The following DZIP3 variants were observed in gnomAD, a reference collection of about 807,000 sequenced individuals.
DZIP3 encodes the protein DAZ interacting zinc finger protein 3.
Under a neutral mutation model 162.0 loss-of-function variants are expected in DZIP3, and 118 were observed. The observed-to-expected ratio is 0.73, with a 90% confidence interval of 0.63 to 0.85. The LOEUF (loss-of-function observed/expected upper bound fraction) is 0.85. Ranked by LOEUF, DZIP3 falls within the 40% of genes least tolerant of loss-of-function variation. The probability of loss-of-function intolerance (pLI) is 0.00; values close to 1 mark genes in which losing one functional copy is unlikely to be tolerated. For missense variants in DZIP3, 1,331 were observed against 1,407.0 expected (o/e 0.95, Z 0.86); for synonymous variants, 438 against 458.6 (o/e 0.96, Z 0.57).
intron 18 of DZIP3, among the ~76,000 whole-genome samples, chr3:108,653,423 A>G (rs906931075): frequency 6.6e-6 from 1 of 150,612 alleles, no homozygotes; most frequent in Non-Finnish European, 1.5e-5. Context: ...GCTACTAAGT[A>G]GTAGGCCAAG....
At position 108,648,121 on chromosome 3, in the gene DZIP3, T is replaced by C. The variant is rs57123020; in HGVS notation, c.1962+9T>C. The C allele has an allele frequency of 4.4e-3, 6,970 of 1,585,960 alleles. 175 individuals carry two copies. In the African/African-American group the frequency reaches 0.066, roughly 15 times the overall value. ...TTAAAGATCTCCAGGAAGTATAAGCTCTCATTAATATTTGAGTTAGAAGAA... is the reference window on the plus strand; with the variant it reads ...TTAAAGATCTCCAGGAAGTATAAGCCCTCATTAATATTTGAGTTAGAAGAA... On this transcript the variant is annotated intron_variant, in intron 16 of 32. Coordinates refer to ENST00000361582, the MANE Select transcript of DZIP3 (RefSeq NM_014648.4).
chr3:108,596,086 G>A (rs181452671), intron 1 of DZIP3, among the ~76,000 whole-genome samples: 2 of 152,326 alleles, frequency 1.3e-5, no homozygotes, highest in East Asian at 3.9e-4. Flanking sequence ...GTCAGGATAA[G>A]GTGTTACAAT....
At chr3:108,658,852 A>G (rs1221095790) in intron 19 of DZIP3, among the ~76,000 whole-genome samples, 2 of 152,230 alleles carry the variant, frequency 1.3e-5, no homozygotes. Context: ...ATCAGAGAAT[A>G]CTATAAACAC....
intron 19 of DZIP3, among the ~76,000 whole-genome samples, chr3:108,659,438 G>A (rs565638929): frequency 4.6e-5 from 7 of 152,142 alleles, no homozygotes; most frequent in East Asian, 3.9e-4. Context: ...ATTCAACAAC[G>A]CCTTCATGCT....
chr3:108,653,507 G>GTATATATATAGA (rs1553709945), intron 18 of DZIP3, among the ~76,000 whole-genome samples: 1 of 104,602 alleles, frequency 9.6e-6, no homozygotes, highest in Non-Finnish European at 2.0e-5. Flanking sequence ...GTGTGTGTGT[G>GTATATATATAGA]TATATATATA....
In DZIP3 at chr3:108,605,507, T is replaced by C; in HGVS notation, c.32+69T>C. On this transcript the variant is annotated intron_variant, in intron 2 of 32. Coordinates refer to ENST00000361582, the MANE Select transcript of DZIP3 (RefSeq NM_014648.4). ...TCGTGGAAAACAATTTTTCCACGGA[T>C]GGTGGGGGTGCGGGGAATGGTTTTG... 4 of 1,510,532 alleles carry C rather than the reference T, an allele frequency of 2.6e-6. No homozygotes were observed. In the South Asian group the frequency reaches 4.6e-5, roughly 17 times the overall value. 93.6% of individuals were successfully genotyped at this position (1,510,532 alleles called of 1,614,324 possible).
chr3:108,610,711 T>C (rs746607967), intron 3 of DZIP3, among the ~76,000 whole-genome samples: 1 of 152,210 alleles, frequency 6.6e-6, no homozygotes, highest in Non-Finnish European at 1.5e-5. Flanking sequence ...TGTTAGTAGA[T>C]ATTCCAGCAG....
Position 108,647,972 on chromosome 3 carries a change from G to A in DZIP3, c.1822G>A (p.Glu608Lys). Residue 608 changes from glutamate (E) to lysine (K), a missense_variant, in exon 16 of 33, where the codon GAA becomes AAA. Glu to Lys is a moderately conservative substitution (Grantham distance 56, BLOSUM62 1). Transcript: ENST00000361582. The stretch of plus-strand genomic sequence containing the variant: ...TGAAATAGAAGAGTTACAGAATGAG[G>A]AAGAAGAACTAAGTCCACCTCTCAT... ...RIEIEELQNE[E>K]EELSPPLMEY... 1.9e-6 allele frequency: 3 copies of A among 1,580,724 alleles called. No individual in the cohort carries two copies. The highest frequency in any genetic ancestry group is 2.6e-6 in the Non-Finnish European group (3 of 1,168,290).
chr3:108,599,998 C>G (rs1418056734), intron 1 of DZIP3, among the ~76,000 whole-genome samples: 1 of 152,182 alleles, frequency 6.6e-6, no homozygotes. Context: ...GCTAATCTAG[C>G]AGATGTACTC....
chr3:108,623,811 C>T (rs1227320941), intron 5 of DZIP3, among the ~76,000 whole-genome samples: 1 of 152,214 alleles, frequency 6.6e-6, no homozygotes, highest in African/African-American at 2.4e-5. Context: ...CAGGCTCTGA[C>T]TGCTGGGATG....
intron 19 of DZIP3, among the ~76,000 whole-genome samples, chr3:108,661,613 T>A (rs1943438813): frequency 6.6e-6 from 1 of 151,984 alleles, no homozygotes; most frequent in Non-Finnish European, 1.5e-5. Flanking sequence ...TGTGCACATG[T>A]ACCCTAAAAC....
intron 15 of DZIP3, 146 bp downstream of exon 15, chr3:108,646,795 T>C (rs867701201): frequency 3.5e-6 from 2 of 570,328 alleles, no homozygotes; most frequent in South Asian, 2.5e-5. Flanking sequence ...ATAATCCCTG[T>C]ACTTTGGGAG....
intron 1 of DZIP3, among the ~76,000 whole-genome samples, chr3:108,599,623 C>T (rs1432718827): frequency 1.3e-5 from 2 of 152,058 alleles, no homozygotes; most frequent in Non-Finnish European, 2.9e-5. Flanking sequence ...CACAGTGGAC[C>T]GAATGTTTGT....
intron 18 of DZIP3, among the ~76,000 whole-genome samples, chr3:108,653,337 T>G (rs1942947031): frequency 6.6e-6 from 1 of 151,516 alleles, no homozygotes; most frequent in African/African-American, 2.4e-5. Context: ...ACTAGTTAAA[T>G]AGAGTCATAT....
chr3:108,691,387 TAAAA>T (rs1405095832), intron 32 of DZIP3: 2 of 60,758 alleles, frequency 3.3e-5, no homozygotes, highest in African/African-American at 1.3e-4. Context: ...ATAATAATAA[TAAAA>T]GAAAAAAAAA....
intron 4 of DZIP3, among the ~76,000 whole-genome samples, chr3:108,615,109 C>A (rs2107524370): frequency 6.6e-6 from 1 of 152,336 alleles, no homozygotes; most frequent in East Asian, 1.9e-4. Context: ...TGTGCCACAA[C>A]TGAATATGGC....
At chr3:108,673,785 G>A (rs922280491) in intron 23 of DZIP3, among the ~76,000 whole-genome samples, 1 of 151,834 alleles carries the variant, frequency 6.6e-6, no homozygotes, top group African/African-American at 2.4e-5. Flanking sequence ...AGAATATCTG[G>A]GACCAAGGCA....
intron 18 of DZIP3, among the ~76,000 whole-genome samples, chr3:108,651,744 G>A (rs975091885): frequency 6.6e-6 from 1 of 151,732 alleles, no homozygotes; most frequent in Non-Finnish European, 1.5e-5. Flanking sequence ...TATTTTGCAT[G>A]CATTGTGCAT....
chr3:108,659,185 A>C (rs942955702), intron 19 of DZIP3, among the ~76,000 whole-genome samples: 1 of 152,216 alleles, frequency 6.6e-6, no homozygotes, highest in Non-Finnish European at 1.5e-5. Context: ...CAGAGACATA[A>C]CAAAAAAAGA....
Sources: gnomAD v4.1 joint callset for allele counts (sites outside exome capture counted in the v4.1 genomes callset) on GRCh38, gnomAD v4.1.1 for gene constraint, MANE v1.5 for transcripts, NCBI Gene and HGNC (gene_info 2026-07-23, HGNC 2026-07-21) for gene names.